Variants in JARID2 observed in about 807,000 individuals in gnomAD.
JARID2 encodes protein Jumonji.
JARID2 carries 21 observed loss-of-function variants against 125.6 expected under a neutral mutation model. That is an observed-to-expected ratio of 0.17 (90% CI 0.12 to 0.24). The LOEUF (loss-of-function observed/expected upper bound fraction) is 0.24. Ranked by LOEUF, JARID2 falls within the 10% of genes least tolerant of loss-of-function variation. The pLI is 1.00. For synonymous variants in JARID2, 736 were observed against 661.6 expected, an observed-to-expected ratio of 1.11 and a Z score of -1.73; for missense variants, 1,303 against 1,639.6, an observed-to-expected ratio of 0.79 and a Z score of 3.55.
Position 15,487,545 on chromosome 6 carries a change from A to G in JARID2, c.906+3A>G. 6.3e-7 allele frequency: 1 copy of G among 1,598,006 alleles called. No individual in the cohort carries two copies. Among genetic ancestry groups the G allele is most frequent in the Non-Finnish European group, 8.6e-7 (1 of 1,168,982 alleles). ...CGGCTCAGGACTTACGGAAACAGGT[A>G]AAGTCCAGCAGGGGTGCCTACATGT... On this transcript the variant is annotated splice_donor_region_variant and intron_variant, in intron 6 of 17. Coordinates refer to ENST00000341776, the MANE Select transcript of JARID2 (RefSeq NM_004973.4).
At chr6:15,496,109 C>T (rs1280072716) in intron 6 of JARID2, 23 bp from the exon 7 acceptor site, 1 of 1,576,740 alleles carries the variant, frequency 6.3e-7, no homozygotes, top group Non-Finnish European at 8.6e-7. Context: ...TTTTTTTCCA[C>T]CTCTGCTTCT....
intron 3 of JARID2, among the ~76,000 whole-genome samples, chr6:15,447,135 T>C (rs950748878): frequency 2.0e-5 from 3 of 152,210 alleles, no homozygotes; most frequent in Non-Finnish European, 4.4e-5. Flanking sequence ...GATGATCTGA[T>C]CTGAAACATC....
At chr6:15,433,793 G>C (rs1432504840) in intron 3 of JARID2, among the ~76,000 whole-genome samples, 1 of 152,130 alleles carries the variant, frequency 6.6e-6, no homozygotes, top group Non-Finnish European at 1.5e-5. Flanking sequence ...CTCCCTGATA[G>C]TTCTTTTCTC....
intron 3 of JARID2, among the ~76,000 whole-genome samples, chr6:15,434,738 A>C (rs1767129376): frequency 6.6e-6 from 1 of 152,208 alleles, no homozygotes; most frequent in Non-Finnish European, 1.5e-5. Flanking sequence ...TTCCTCATCT[A>C]TCAGAAGGAG....
chr6:15,393,094 A>G (rs1389976997), intron 2 of JARID2, among the ~76,000 whole-genome samples: 1 of 152,186 alleles, frequency 6.6e-6, no homozygotes, highest in African/African-American at 2.4e-5. Context: ...AATGGTGGTG[A>G]AATTCTTCCT....
chr6:15,478,191 G>T (rs189216275), intron 5 of JARID2, among the ~76,000 whole-genome samples: 66 of 152,276 alleles, frequency 4.3e-4, no homozygotes, highest in African/African-American at 1.3e-3. Flanking sequence ...GCTAGAAGAT[G>T]GTGTATCTGG....
intron 2 of JARID2, among the ~76,000 whole-genome samples, chr6:15,401,301 G>A (rs1255472950): frequency 6.6e-6 from 1 of 152,086 alleles, no homozygotes; most frequent in African/African-American, 2.4e-5. Context: ...AATTAATGTC[G>A]CTCTTAAAGC....
At chr6:15,440,258 T>C (rs1767389959) in intron 3 of JARID2, among the ~76,000 whole-genome samples, 1 of 152,244 alleles carries the variant, frequency 6.6e-6, no homozygotes, top group Admixed American at 6.5e-5. Flanking sequence ...TCAGGTGGAT[T>C]CACAGCTTGC....
At chr6:15,429,298 T>C (rs1408702751) in intron 3 of JARID2, among the ~76,000 whole-genome samples, 2 of 152,124 alleles carry the variant, frequency 1.3e-5, no homozygotes, top group Admixed American at 1.3e-4. Context: ...GTGGTCTCAC[T>C]CTGTCACCCA....
rs1561820749 is a variant in JARID2 at position 15,374,218 on chromosome 6, G to GGAA, written c.149_151dup (p.Glu50dup). 6.2e-7 allele frequency: 1 copy of GGAA among 1,614,050 alleles called. No individual in the cohort carries two copies. The highest frequency in any genetic ancestry group is 1.7e-5 in the Admixed American group (1 of 60,014). On this transcript the variant is annotated inframe_insertion, in exon 2 of 18. Transcript: ENST00000341776. ...AGAATTCCCAGAAGAGGCAGCATGC[G>GGAA]GAAGGCATTGCTGGGAGCCTGAAAA...
intron 1 of JARID2, among the ~76,000 whole-genome samples, chr6:15,306,328 C>CTTTTTTTTTTTTTTTTTTTTT (rs398000594): frequency 1.0e-5 from 1 of 99,250 alleles, no homozygotes; most frequent in African/African-American, 3.8e-5. Flanking sequence ...AGTCATATTT[C>CTTTTTTTTTTTTTTTTTTTTT]TTTTTTTTTT....
chr6:15,452,432 T>A (rs1023037155), intron 4 of JARID2, among the ~76,000 whole-genome samples: 3 of 152,214 alleles, frequency 2.0e-5, no homozygotes, highest in African/African-American at 7.2e-5. Flanking sequence ...TGCACAATTA[T>A]GCAGTTTCTA....
intron 1 of JARID2, among the ~76,000 whole-genome samples, chr6:15,274,247 A>T (rs1322108963): frequency 6.6e-6 from 1 of 152,238 alleles, no homozygotes; most frequent in African/African-American, 2.4e-5. Context: ...CTATCTTTGA[A>T]AAAGGAGTTT....
intron 1 of JARID2, among the ~76,000 whole-genome samples, chr6:15,309,106 C>G (rs1761930245): frequency 6.6e-6 from 1 of 152,168 alleles, no homozygotes; most frequent in African/African-American, 2.4e-5. Flanking sequence ...AAATTCCATT[C>G]TCTTGAATTT....
chr6:15,502,286 C>T (rs888470407), intron 8 of JARID2, among the ~76,000 whole-genome samples: 2 of 152,242 alleles, frequency 1.3e-5, no homozygotes, highest in African/African-American at 4.8e-5. Flanking sequence ...CCTCCCTTCT[C>T]CAGCCTGCCA....
chr6:15,268,248 A>G (rs1760163898), intron 1 of JARID2, among the ~76,000 whole-genome samples: 1 of 152,234 alleles, frequency 6.6e-6, no homozygotes, highest in South Asian at 2.1e-4. Flanking sequence ...CTAGAAGCTT[A>G]TCTTTGTGAA....
intron 1 of JARID2, among the ~76,000 whole-genome samples, chr6:15,336,327 T>G (rs1340468014): frequency 6.6e-6 from 1 of 152,264 alleles, no homozygotes; most frequent in Non-Finnish European, 1.5e-5. Flanking sequence ...ATTGCGAAGA[T>G]TTCTGTATAT....
intron 5 of JARID2, among the ~76,000 whole-genome samples, chr6:15,484,802 C>T (rs1769788335): frequency 6.6e-6 from 1 of 152,064 alleles, no homozygotes; most frequent in African/African-American, 2.4e-5. Context: ...CACCATGAGA[C>T]ATGTCTTAAT....
At chr6:15,322,953 CCA>C (rs1762407868) in intron 1 of JARID2, among the ~76,000 whole-genome samples, 1 of 152,182 alleles carries the variant, frequency 6.6e-6, no homozygotes. Flanking sequence ...GAGAAAAATT[CCA>C]AGCTGTTCTG....
Sources: allele counts gnomAD v4.1 joint callset (sites outside exome capture counted in the v4.1 genomes callset), GRCh38; gene constraint gnomAD v4.1.1; transcripts MANE v1.5; gene names NCBI Gene and HGNC (gene_info 2026-07-23, HGNC 2026-07-21).